Variants in DPP10 observed in about 807,000 individuals in gnomAD.
DPP10 encodes the protein dipeptidyl peptidase like 10.
In DPP10, 33 loss-of-function variants were observed where a neutral mutation model predicts 120.9. The observed-to-expected ratio is 0.27, with a 90% CI of 0.21 to 0.37. DPP10 has a LOEUF of 0.37. DPP10 is among the 10% of genes least tolerant of loss of function. The pLI is 1.00. For synonymous variants in DPP10, 337 were observed against 326.1 expected (o/e 1.03, Z -0.36); for missense variants, 816 against 942.8 (o/e 0.87, Z 1.76).
At chr2:114,913,247 G>A (rs1041283287) in intron 1 of DPP10, among the ~76,000 whole-genome samples, 1 of 152,130 alleles carries the variant, frequency 6.6e-6, no homozygotes, top group South Asian at 2.1e-4. Flanking sequence ...GCGTGCACTC[G>A]CCTGCAGCCT....
At position 115,217,743 on chromosome 2, in the gene DPP10, C is replaced by G. The variant is rs548020956; in HGVS notation, c.61-91496C>G. 7.9e-5 allele frequency among the ~76,000 whole-genome samples: 12 copies of G among 152,080 alleles called. No homozygotes were observed. The South Asian group carries it at 2.5e-3, about 32-fold the overall frequency. On this transcript the variant is annotated intron_variant, in intron 1 of 25. Transcript: ENST00000410059. ...TGCGGTTGGTACTGATTGCTTTGCC[C>G]AAATTATTTTGTCTTCCAAAATACA... is the stretch of plus-strand genomic sequence containing the variant.
At chr2:114,855,512 G>T (rs962570025) in intron 1 of DPP10, among the ~76,000 whole-genome samples, 7 of 152,226 alleles carry the variant, frequency 4.6e-5, no homozygotes, top group Admixed American at 2.6e-4. Flanking sequence ...ATTTCAGAAG[G>T]TTTAAAAAGA....
chr2:115,472,788 G>A (rs1220306731), intron 3 of DPP10, among the ~76,000 whole-genome samples: 1 of 152,190 alleles, frequency 6.6e-6, no homozygotes, highest in Non-Finnish European at 1.5e-5. Context: ...TTTTGTTGCT[G>A]CAGTATTGCA....
chr2:115,327,011 A>G (rs1187678619), intron 2 of DPP10, among the ~76,000 whole-genome samples: 1 of 152,098 alleles, frequency 6.6e-6, no homozygotes, highest in African/African-American at 2.4e-5. Flanking sequence ...TGACTCACTC[A>G]GAGTAACTTC....
At chr2:114,681,066 T>C (rs1698994413) in intron 1 of DPP10, among the ~76,000 whole-genome samples, 1 of 151,990 alleles carries the variant, frequency 6.6e-6, no homozygotes, top group African/African-American at 2.4e-5. Context: ...AAAAATATCC[T>C]ACCCAATTCT....
chr2:115,375,961 C>T (rs1574610346), intron 3 of DPP10, among the ~76,000 whole-genome samples: 1 of 152,196 alleles, frequency 6.6e-6, no homozygotes, highest in African/African-American at 2.4e-5. Context: ...CAGAACCAAA[C>T]CATGTCACTA....
chr2:115,553,064 T>C (rs1237883310), intron 5 of DPP10, among the ~76,000 whole-genome samples: 7 of 152,054 alleles, frequency 4.6e-5, no homozygotes, highest in African/African-American at 1.7e-4. Flanking sequence ...TGAGAAATGA[T>C]TGGATTTAAA....
At chr2:115,515,974 A>T (rs1324540461) in intron 4 of DPP10, among the ~76,000 whole-genome samples, 1 of 152,126 alleles carries the variant, frequency 6.6e-6, no homozygotes, top group Non-Finnish European at 1.5e-5. Context: ...AACATGCATA[A>T]AACTGATTTA....
In DPP10 at chr2:115,146,300, G is replaced by A. The variant is rs575038757; in HGVS notation, c.61-162939G>A. Among the ~76,000 whole-genome samples, 7 of 151,968 alleles carry A rather than the reference G, an allele frequency of 4.6e-5. No homozygotes were observed. In the East Asian group the frequency reaches 1.4e-3, roughly 30 times the overall value. ...TTCATGCTGGGTGTGGATCTGGAGT[G>A]GGAGAAACTGAAACACACTCAAGAT... On this transcript the variant is annotated intron_variant, in intron 1 of 25. Transcript: ENST00000410059.
chr2:115,764,287 A>G (rs1004458955), intron 12 of DPP10, among the ~76,000 whole-genome samples: 7 of 152,172 alleles, frequency 4.6e-5, no homozygotes, highest in African/African-American at 4.8e-5. Context: ...AGGATTATAA[A>G]TAATTGTTTG....
intron 1 of DPP10, among the ~76,000 whole-genome samples, chr2:114,646,715 A>G (rs894657865): frequency 6.6e-6 from 1 of 152,178 alleles, no homozygotes; most frequent in African/African-American, 2.4e-5. Context: ...GCACCCTTTC[A>G]GTATTTTATG....
intron 1 of DPP10, among the ~76,000 whole-genome samples, chr2:115,140,345 G>A (rs1238838017): frequency 6.6e-6 from 1 of 152,188 alleles, no homozygotes; most frequent in Admixed American, 6.5e-5. Flanking sequence ...GGACCAGCAA[G>A]GCAGGCAGCA....
intron 1 of DPP10, among the ~76,000 whole-genome samples, chr2:115,048,405 G>A (rs745703358): frequency 2.6e-5 from 4 of 151,942 alleles, no homozygotes; most frequent in Non-Finnish European, 4.4e-5. Context: ...AACTTAGCTT[G>A]CACTGGCCTT....
At chr2:115,334,421 A>T (rs1469726336) in intron 2 of DPP10, among the ~76,000 whole-genome samples, 1 of 151,326 alleles carries the variant, frequency 6.6e-6, no homozygotes, top group Non-Finnish European at 1.5e-5. Context: ...GAATGGATGA[A>T]TTAGGCTTCA....
chr2:115,186,631 G>A (rs2054459965), intron 1 of DPP10, among the ~76,000 whole-genome samples: 3 of 152,170 alleles, frequency 2.0e-5, no homozygotes, highest in Admixed American at 2.0e-4. Flanking sequence ...GAAGCAGCAT[G>A]CTCAAATTGT....
chr2:114,492,698 A>T (rs1459375673), intron 1 of DPP10, among the ~76,000 whole-genome samples: 1 of 152,200 alleles, frequency 6.6e-6, no homozygotes, highest in African/African-American at 2.4e-5. Context: ...TACGCAATTC[A>T]TTATATCAAA....
chr2:115,093,128 C>A (rs1709421248), intron 1 of DPP10, among the ~76,000 whole-genome samples: 1 of 152,080 alleles, frequency 6.6e-6, no homozygotes, highest in African/African-American at 2.4e-5. Flanking sequence ...CCAAAATAAG[C>A]AAAGATCCCT....
intron 1 of DPP10, among the ~76,000 whole-genome samples, chr2:114,622,003 C>A (rs1694127263): frequency 6.6e-6 from 1 of 151,782 alleles, no homozygotes; most frequent in South Asian, 2.1e-4. Context: ...TAAAATGAGG[C>A]ATTTACACAT....
chr2:114,842,237 A>G (rs893939657), intron 1 of DPP10, among the ~76,000 whole-genome samples: 1 of 152,076 alleles, frequency 6.6e-6, no homozygotes, highest in African/African-American at 2.4e-5. Context: ...TGTCTTATCT[A>G]CATGTGAAGG....
Sources: gnomAD v4.1 joint callset for allele counts (sites outside exome capture counted in the v4.1 genomes callset) on GRCh38, gnomAD v4.1.1 for gene constraint, MANE v1.5 for transcripts, NCBI Gene and HGNC (gene_info 2026-07-23, HGNC 2026-07-21) for gene names.